Variants in DLG2 observed in about 807,000 individuals in gnomAD.
DLG2 encodes the protein disks large homolog 2.
In DLG2, 45 loss-of-function variants were observed where a neutral mutation model predicts 132.5. The ratio of observed to expected loss-of-function variants is 0.34; its 90% CI spans 0.27 to 0.44. The LOEUF (loss-of-function observed/expected upper bound fraction) is 0.44, where lower values mean the gene tolerates loss of function less well. Ranked by LOEUF, DLG2 falls within the 20% of genes least tolerant of loss-of-function variation. DLG2 has a pLI of 1.00. For synonymous variants in DLG2, 424 were observed against 419.6 expected, an observed-to-expected ratio of 1.01 and a Z score of -0.13; for missense variants, 1,045 against 1,196.9, an observed-to-expected ratio of 0.87 and a Z score of 1.87.
Position 83,471,672 on chromosome 11 carries a change from G to T in DLG2, c.2400C>A (p.Asp800Glu). The T allele has an allele frequency of 6.2e-7, 1 of 1,613,142 alleles. No individual in the cohort carries two copies. The stretch of plus-strand genomic sequence containing the variant: ...TATCAGGGAATTCAGATATCAAGTC[G>T]TCATTGATCCGATCCTTCATGGGCC... ...ILGPMKDRINDDLISEFPDKF... is the reference protein window; with the variant it reads ...ILGPMKDRINEDLISEFPDKF... Residue 800 changes from aspartate (D) to glutamate (E), a missense_variant, in exon 24 of 28, where the codon GAC (aspartate) becomes GAA (glutamate). Asp to Glu is a conservative substitution (Grantham distance 45). Transcript: ENST00000376104.
intron 6 of DLG2, among the ~76,000 whole-genome samples, chr11:84,745,660 T>C (rs2065269094): frequency 6.6e-6 from 1 of 152,092 alleles, no homozygotes; most frequent in Admixed American, 6.5e-5. Flanking sequence ...CTATAAGCAA[T>C]TATAAAGAGA....
chr11:84,110,797 G>C (rs2093304468), intron 9 of DLG2, among the ~76,000 whole-genome samples: 1 of 152,150 alleles, frequency 6.6e-6, no homozygotes, highest in South Asian at 2.1e-4. Flanking sequence ...CCCTGTAGTT[G>C]GCAGTCTGTG....
chr11:84,800,865 T>C (rs2075283681), intron 6 of DLG2, among the ~76,000 whole-genome samples: 1 of 152,214 alleles, frequency 6.6e-6, no homozygotes, highest in African/African-American at 2.4e-5. Context: ...TTTAATGACA[T>C]GTTCAGAGGG....
rs561954858 is a variant in DLG2 at position 83,599,595 on chromosome 11, G to A, written c.1940+33616C>T. 9.2e-5 allele frequency among the ~76,000 whole-genome samples: 14 copies of A among 152,194 alleles called. No individual in the cohort carries two copies. In the South Asian group the frequency reaches 2.9e-3, roughly 32 times the overall value. Reference sequence around the variant, plus strand: ...ACCCCTTTCTTTGTGACACCATGGGGCACTGAATAGCTCTTCATAACAGCG... The same window carrying A: ...ACCCCTTTCTTTGTGACACCATGGGACACTGAATAGCTCTTCATAACAGCG... On this transcript the variant is annotated intron_variant, in intron 19 of 27. Coordinates refer to ENST00000376104, the MANE Select transcript of DLG2 (RefSeq NM_001142699.3).
chr11:83,540,475 G>A (rs1220798678), intron 20 of DLG2, among the ~76,000 whole-genome samples: 1 of 152,056 alleles, frequency 6.6e-6, no homozygotes, highest in African/African-American at 2.4e-5. Flanking sequence ...CTGGAATTTC[G>A]GCACCTTCAC....
rs546409406 is a variant in DLG2 at position 84,688,156 on chromosome 11, T to C, written c.358-153425A>G. Among the ~76,000 whole-genome samples the C allele has an allele frequency of 2.6e-5, 4 of 152,228 alleles. No homozygotes were observed. In the South Asian group the frequency reaches 8.3e-4, roughly 32 times the overall value. On this transcript the variant is annotated intron_variant, in intron 6 of 27. Transcript: ENST00000376104. ...TGAGAACATGAAACATTATAAAGCATAGAAAAAATTTGTGTTGCAAAACCT... is the reference window on the plus strand; with the variant it reads ...TGAGAACATGAAACATTATAAAGCACAGAAAAAATTTGTGTTGCAAAACCT...
intron 19 of DLG2, among the ~76,000 whole-genome samples, chr11:83,615,579 T>C (rs1370670001): frequency 6.6e-6 from 1 of 152,214 alleles, no homozygotes; most frequent in African/African-American, 2.4e-5. Flanking sequence ...ATGTGGAGAT[T>C]ATCCTGGATT....
intron 21 of DLG2, among the ~76,000 whole-genome samples, chr11:83,522,377 C>G (rs1298524111): frequency 6.6e-6 from 1 of 152,092 alleles, no homozygotes; most frequent in East Asian, 1.9e-4. Context: ...TCTTATTCAT[C>G]TACGTCTCCA....
At chr11:83,772,919 A>T (rs1012483020) in intron 18 of DLG2, among the ~76,000 whole-genome samples, 4 of 152,224 alleles carry the variant, frequency 2.6e-5, no homozygotes, top group Admixed American at 6.5e-5. Flanking sequence ...GACGAAGAGG[A>T]TATGTGACTT....
intron 3 of DLG2, among the ~76,000 whole-genome samples, chr11:85,399,947 C>A (rs370893435): frequency 3.0e-4 from 45 of 152,052 alleles, no homozygotes; most frequent in South Asian, 1.2e-3. Context: ...TAATTAAACT[C>A]AAGAGCTTCT....
At chr11:83,480,726 T>A in intron 22 of DLG2, 1 of 1,065,152 alleles carries the variant, frequency 9.4e-7, no homozygotes, top group Admixed American at 2.2e-5. Flanking sequence ...ACCTCTGACT[T>A]TCAAGATTTA....
intron 6 of DLG2, among the ~76,000 whole-genome samples, chr11:84,634,888 T>A (rs921870267): frequency 2.0e-5 from 3 of 152,154 alleles, no homozygotes; most frequent in African/African-American, 7.2e-5. Flanking sequence ...AAAGTAGCAC[T>A]GGAGCACAAA....
chr11:83,987,656 G>A (rs1012099371), intron 11 of DLG2, among the ~76,000 whole-genome samples: 14 of 152,106 alleles, frequency 9.2e-5, no homozygotes, highest in African/African-American at 3.4e-4. Context: ...GTAGAAAGCT[G>A]AAACTGGATC....
intron 19 of DLG2, among the ~76,000 whole-genome samples, chr11:83,547,758 GTTGTT>G (rs1172031646): frequency 1.1e-4 from 17 of 152,252 alleles, no homozygotes; most frequent in Non-Finnish European, 2.2e-4. Context: ...ATAAATTTGT[GTTGTT>G]TTAAGTCATT....
intron 6 of DLG2, among the ~76,000 whole-genome samples, chr11:85,006,093 A>T (rs2058636698): frequency 6.6e-6 from 1 of 152,130 alleles, no homozygotes. Flanking sequence ...CTTGGTGGAT[A>T]AGCTTTTTTA....
chr11:84,270,925 T>C (rs997635578), intron 7 of DLG2, among the ~76,000 whole-genome samples: 5 of 152,228 alleles, frequency 3.3e-5, no homozygotes, highest in African/African-American at 1.2e-4. Context: ...TGATAGGATA[T>C]GTATACTTCA....
At chr11:84,475,718 C>A (rs537844317) in intron 7 of DLG2, among the ~76,000 whole-genome samples, 1 of 152,156 alleles carries the variant, frequency 6.6e-6, no homozygotes, top group African/African-American at 2.4e-5. Context: ...TGTATACAAA[C>A]AACTAGTGTA....
At chr11:84,846,368 A>T (rs958093871) in intron 6 of DLG2, among the ~76,000 whole-genome samples, 10 of 152,158 alleles carry the variant, frequency 6.6e-5, no homozygotes, top group Non-Finnish European at 1.5e-4. Flanking sequence ...ATTCTGTTAC[A>T]TACGCCTGTA....
In DLG2 at chr11:84,900,840, A is replaced by T. The variant is rs372161303; in HGVS notation, c.357+210821T>A. 2.6e-5 allele frequency among the ~76,000 whole-genome samples: 4 copies of T among 152,134 alleles called. No individual in the cohort carries two copies. The East Asian group carries it at 7.7e-4, about 29-fold the overall frequency. On this transcript the variant is annotated intron_variant, in intron 6 of 27. Transcript: ENST00000376104. ...TCTACATAGGTTACGTAAGGTTTTA[A>T]ATAATACATTATTTTAACCCTTGAG... is the stretch of plus-strand genomic sequence containing the variant.
Sources: allele counts gnomAD v4.1 joint callset (sites outside exome capture counted in the v4.1 genomes callset), GRCh38; gene constraint gnomAD v4.1.1; transcripts MANE v1.5; gene names NCBI Gene and HGNC (gene_info 2026-07-23, HGNC 2026-07-21).